The following RSPH6A variants were observed in gnomAD, a reference collection of about 807,000 sequenced individuals.
RSPH6A encodes the protein radial spoke head 6 homolog A.
A neutral mutation model predicts 66.1 loss-of-function variants in RSPH6A; 49 were observed. That is an observed-to-expected ratio of 0.74 (90% confidence interval 0.59 to 0.94). The LOEUF is 0.94. Ranked by LOEUF, RSPH6A falls within the 40% of genes least tolerant of loss-of-function variation. RSPH6A has a pLI of 0.00. For missense variants in RSPH6A, 977 were observed against 948.3 expected (o/e 1.03, Z -0.40); for synonymous variants, 419 against 402.4 (o/e 1.04, Z -0.49).
rs59665443 is a variant in RSPH6A at position 45,811,743 on chromosome 19, GTATTATTATTAT to G, written c.651-915_651-904del. On this transcript the variant is annotated intron_variant, in intron 1 of 5. Transcript: ENST00000221538. The stretch of plus-strand genomic sequence containing the variant: ...GAGCCACCGCACCTGGCCAACATTT[GTATTATTATTAT>G]TATTATTATTATTATTATTATTATT... Among the ~76,000 whole-genome samples the G allele has an allele frequency of 6.8e-3, 808 of 118,418 alleles. 2 individuals are homozygous for G. Among genetic ancestry groups the G allele is most frequent in the South Asian group, 0.014 (50 of 3,480 alleles). The allele number at this position is 118,418 out of a possible 152,430, so 77.7% of individuals were successfully genotyped here.
At chr19:45,807,181 T>C (rs1970555997) in intron 2 of RSPH6A, among the ~76,000 whole-genome samples, 1 of 151,546 alleles carries the variant, frequency 6.6e-6, no homozygotes, top group African/African-American at 2.4e-5. Flanking sequence ...CCTGAGCCAC[T>C]GTGCCTGGCA....
rs767114716 is a variant in RSPH6A, at chr19:45,800,544, G to A, written c.1818C>T (p.Pro606=). The stretch of plus-strand genomic sequence containing the variant: ...GGCTGCAGGACAGGCGGGTGGTCCA[G>A]GGTGCCAGGTGCATGATTTCTGTGG... ...SEDAEIMHLA[P]WTTRLSCSLC... Residue 606 remains proline, a synonymous_variant, in exon 5 of 6, where the codon CCC becomes CCT. Transcript: ENST00000221538. 9.3e-6 allele frequency: 15 copies of A among 1,612,346 alleles called. No homozygotes were observed. In the East Asian group the frequency reaches 2.9e-4, roughly 31 times the overall value.
In RSPH6A at chr19:45,814,911, G is replaced by C. The variant is rs1282203832; in HGVS notation, c.266C>G (p.Ser89Cys). 1.9e-6 allele frequency: 3 copies of C among 1,614,060 alleles called. No homozygotes were observed. In the African/African-American group the frequency reaches 4.0e-5, roughly 22 times the overall value. The change falls in exon 1 of 6, where the codon TCT (serine) becomes TGT (cysteine). Residue 89 changes from serine to cysteine, a missense_variant. Ser to Cys is a moderately radical substitution (Grantham distance 112, BLOSUM62 -1). Transcript: ENST00000221538. ...CTCTGAGGGAAAGCCCGTGTTCACAGATGGGTACTCCATGCCACCCAGCCG... is the reference window on the plus strand; with the variant it reads ...CTCTGAGGGAAAGCCCGTGTTCACACATGGGTACTCCATGCCACCCAGCCG... Reference protein sequence around the residue: ...EARLGGMEYPSVNTGFPSEFQ... With the variant: ...EARLGGMEYPCVNTGFPSEFQ...
intron 1 of RSPH6A, 23 bp from the exon 2 acceptor site, chr19:45,810,863 G>C: frequency 6.3e-7 from 1 of 1,583,546 alleles, no homozygotes; most frequent in South Asian, 1.1e-5. Context: ...GGAGGAGTGG[G>C]AGGAGAGGGA....
At position 45,804,597 on chromosome 19, in the gene RSPH6A, C is replaced by T; in HGVS notation, c.1308G>A (p.Leu436=). Residue 436 remains leucine (L), a synonymous_variant, in exon 3 of 6, where the codon CTG becomes CTA. Transcript: ENST00000221538. This position sits in a 1 kb window ranked among gnomAD's most constrained non-coding sequence, Gnocchi z 5.8. ...TGACGTGGGGCAGCCGCGTCCATGG[C>T]AGGCCCGGCTCGTTGCACACAAAGT... ...YLYFVCNEPG[L]PWTRLPHVTP... 6.2e-7 allele frequency: 1 copy of T among 1,614,176 alleles called. No individual in the cohort carries two copies. Among genetic ancestry groups the T allele is most frequent in the Non-Finnish European group, 8.5e-7 (1 of 1,180,032 alleles).
chr19:45,799,144 G>A (rs1419856399), intron 5 of RSPH6A, among the ~76,000 whole-genome samples: 1 of 152,226 alleles, frequency 6.6e-6, no homozygotes, highest in East Asian at 1.9e-4. Flanking sequence ...TCATACAGGA[G>A]CGAATACAGT....
Position 45,805,462 on chromosome 19 carries a change from C to A in RSPH6A, c.889-446G>T, listed in dbSNP as rs571268958. On this transcript the variant is annotated intron_variant, in intron 2 of 5. Coordinates refer to ENST00000221538, the MANE Select transcript of RSPH6A (RefSeq NM_030785.4). Reference sequence around the variant, plus strand: ...ATCCCAGCACTTAGGGAGGCCAAGGCAAGCAGATCACCTGAGGTCAAGAGT... The same window carrying A: ...ATCCCAGCACTTAGGGAGGCCAAGGAAAGCAGATCACCTGAGGTCAAGAGT... Among the ~76,000 whole-genome samples, 11 of 152,088 alleles carry A rather than the reference C, an allele frequency of 7.2e-5. No individual in the cohort carries two copies. The South Asian group carries it at 1.0e-3, about 14-fold the overall frequency.
intron 3 of RSPH6A, among the ~76,000 whole-genome samples, chr19:45,803,078 G>A (rs1454997838): frequency 4.0e-5 from 6 of 150,738 alleles, no homozygotes; most frequent in Admixed American, 6.6e-5. Flanking sequence ...GCATGGTGGC[G>A]GGCGCCTGTA....
intron 2 of RSPH6A, among the ~76,000 whole-genome samples, chr19:45,808,661 T>A (rs1360528129): frequency 7.1e-4 from 45 of 63,278 alleles, no homozygotes; most frequent in Non-Finnish European, 1.3e-3. Flanking sequence ...ACTTATCTTT[T>A]TTTTTTTTTT....
In RSPH6A at chr19:45,809,852, C is replaced by T. The variant is rs146389071; in HGVS notation, c.888+751G>A. Among the ~76,000 whole-genome samples the T allele has an allele frequency of 3.2e-4, 48 of 152,316 alleles. No individual in the cohort carries two copies. The East Asian group carries it at 9.3e-3, about 29-fold the overall frequency. The stretch of plus-strand genomic sequence containing the variant: ...GCATAAATGCCATTCAAGGTCCTGG[C>T]TAGCCGTCTGGAAGACAGAAAACGA... On this transcript the variant is annotated intron_variant, in intron 2 of 5. Transcript: ENST00000221538.
rs748782606 is a variant in RSPH6A at position 45,802,266 on chromosome 19, TG to T, written c.1654-3del. On this transcript the variant is annotated splice_polypyrimidine_tract_variant and splice_region_variant and intron_variant, in intron 3 of 5. Transcript: ENST00000221538. The stretch of plus-strand genomic sequence containing the variant: ...AGGGTTCACCCAAGTGCAGCGGCCC[TG>T]GGGGTGGGGGGAAGCTCAGGTGATG... 7.2e-7 allele frequency: 1 copy of T among 1,381,492 alleles called. No homozygotes were observed. 85.6% of individuals were successfully genotyped at this position (1,381,492 alleles called of 1,614,324 possible).
intron 1 of RSPH6A, among the ~76,000 whole-genome samples, chr19:45,813,024 T>C (rs1970649053): frequency 6.6e-6 from 1 of 152,026 alleles, no homozygotes. Flanking sequence ...AAGGTTGTGG[T>C]GAGGAGTCTG....
At position 45,815,030 on chromosome 19, in the gene RSPH6A, G is replaced by A. The variant is rs1207903523; in HGVS notation, c.147C>T (p.Asp49=). 1 of 1,613,702 alleles carries A rather than the reference G, an allele frequency of 6.2e-7. No homozygotes were observed. Among genetic ancestry groups the A allele is most frequent in the Non-Finnish European group, 8.5e-7 (1 of 1,180,040 alleles). Residue 49 remains aspartate, a synonymous_variant, in exon 1 of 6, where the codon GAC becomes GAT. Coordinates refer to ENST00000221538, the MANE Select transcript of RSPH6A (RefSeq NM_030785.4). ...ACCAACCAGGGGCGTTTCGCTGGGCGTCTGGAGGTATCTGCTGCCTCTCCT... is the reference window on the plus strand; with the variant it reads ...ACCAACCAGGGGCGTTTCGCTGGGCATCTGGAGGTATCTGCTGCCTCTCCT... ...DPEERQQIPP[D]AQRNAPGWSQ... is the part of the protein sequence containing the mutation.
chr19:45,807,533 C>T (rs550383889), intron 2 of RSPH6A, among the ~76,000 whole-genome samples: 14 of 151,566 alleles, frequency 9.2e-5, no homozygotes, highest in South Asian at 2.1e-4. Flanking sequence ...TTTTTTGAGA[C>T]GGAGTCTCGC....
rs116275820 is a variant in RSPH6A, at chr19:45,799,232, G to A, written c.1916+1214C>T. Among the ~76,000 whole-genome samples, 475 of 152,112 alleles carry A rather than the reference G, an allele frequency of 3.1e-3. 3 individuals are homozygous for A. The highest frequency in any genetic ancestry group is 0.011 in the African/African-American group (458 of 41,492). On this transcript the variant is annotated intron_variant, in intron 5 of 5. Coordinates refer to ENST00000221538, the MANE Select transcript of RSPH6A (RefSeq NM_030785.4). ...TCTGGTGGACAAAGCTGGTAGGTGC[G>A]CCCACCTCCAGCGGCAAACCCCCTG... is the stretch of plus-strand genomic sequence containing the variant.
At chr19:45,812,819 C>T (rs930042699) in intron 1 of RSPH6A, among the ~76,000 whole-genome samples, 2 of 152,070 alleles carry the variant, frequency 1.3e-5, no homozygotes, top group Admixed American at 6.6e-5. Context: ...CTCAGCCTCC[C>T]GAGTAGCTGA....
chr19:45,812,269 T>C (rs1362601871), intron 1 of RSPH6A, among the ~76,000 whole-genome samples: 1 of 149,138 alleles, frequency 6.7e-6, no homozygotes, highest in Non-Finnish European at 1.5e-5. Context: ...TTGTACTTTT[T>C]GTAGAGATGG....
intron 5 of RSPH6A, among the ~76,000 whole-genome samples, chr19:45,797,973 T>C (rs1481330547): frequency 6.6e-6 from 1 of 152,092 alleles, no homozygotes; most frequent in East Asian, 1.9e-4. Flanking sequence ...AATTCAGCCT[T>C]TCTGCAGAAT....
chr19:45,815,237 A>G lies in RSPH6A; in HGVS notation c.-61T>C. ...CTTGCAGACAAGGAGGCCAAGCGAGAGCCACCTGTCGACACCGCCGGTTTC... is the reference window on the plus strand; with the variant it reads ...CTTGCAGACAAGGAGGCCAAGCGAGGGCCACCTGTCGACACCGCCGGTTTC... On this transcript the variant is annotated 5_prime_UTR_variant, in exon 1 of 6. Transcript: ENST00000221538. 2.7e-6 allele frequency: 4 copies of G among 1,459,260 alleles called. No individual in the cohort carries two copies. Among genetic ancestry groups the G allele is most frequent in the Non-Finnish European group, 3.6e-6 (4 of 1,105,622 alleles). The allele number at this position is 1,459,260 out of a possible 1,614,324, so 90.4% of individuals were successfully genotyped here. A position where few individuals can be genotyped will look rare whatever the true frequency, so the allele number is the denominator to read the frequency against.
Sources: allele counts gnomAD v4.1 joint callset (sites outside exome capture counted in the v4.1 genomes callset), GRCh38; gene constraint gnomAD v4.1.1; non-coding constraint Gnocchi (gnomAD v3.1); transcripts MANE v1.5; gene names NCBI Gene and HGNC (gene_info 2026-07-23, HGNC 2026-07-21).